The following HMCN2 variants were observed in gnomAD, a reference collection of about 807,000 sequenced individuals.
HMCN2 encodes the protein hemicentin 2.
Under a neutral mutation model 377.5 loss-of-function variants are expected in HMCN2, and 325 were observed. The observed-to-expected ratio is 0.86, with a 90% CI of 0.79 to 0.94. The LOEUF (loss-of-function observed/expected upper bound fraction) is 0.94, where lower values mean the gene tolerates loss of function less well. Ranked by LOEUF, HMCN2 falls within the 40% of genes least tolerant of loss-of-function variation. The pLI is 0.00. For missense variants in HMCN2, 4,543 were observed against 4,725.3 expected (o/e 0.96, Z 1.13); for synonymous variants, 2,007 against 2,046.8 (o/e 0.98, Z 0.53).
intron 25 of HMCN2, among the ~76,000 whole-genome samples, chr9:130,345,596 C>T (rs940062826): frequency 1.8e-5 from 2 of 113,094 alleles, no homozygotes; most frequent in Admixed American, 8.5e-5. Flanking sequence ...TATGGTGTTT[C>T]GTGTGTGTAG....
At position 130,417,905 on chromosome 9, in the gene HMCN2, G is replaced by C. The variant is rs572045255; in HGVS notation, c.12962-867G>C. Among the ~76,000 whole-genome samples, 29 of 152,302 alleles carry C rather than the reference G, an allele frequency of 1.9e-4. No homozygotes were observed. The South Asian group carries it at 6.0e-3, about 32-fold the overall frequency. ...GTGTGCGAGTTCTGCTTGTTCCGCA[G>C]CCTCACCAGCACTGGGCCTTTCCCA... On this transcript the variant is annotated intron_variant, in intron 85 of 97. Coordinates refer to ENST00000683500, the MANE Select transcript of HMCN2 (RefSeq NM_001291815.2).
chr9:130,355,708 C>T, intron 32 of HMCN2, 38 bp from the exon 33 acceptor site: 2 of 1,226,176 alleles, frequency 1.6e-6, no homozygotes, highest in South Asian at 1.3e-5. Context: ...CCAGTGGCTG[C>T]TCAGCTCCAA....
At chr9:130,352,416 A>G (rs1372664209) in intron 30 of HMCN2, among the ~76,000 whole-genome samples, 1 of 152,254 alleles carries the variant, frequency 6.6e-6, no homozygotes, top group East Asian at 1.9e-4. Flanking sequence ...AGGGACATGC[A>G]TAGTAGCACC....
At position 130,425,671 on chromosome 9, in the gene HMCN2, C is replaced by T. The variant is rs1251609387; in HGVS notation, c.13642-16C>T. On this transcript the variant is annotated splice_polypyrimidine_tract_variant and intron_variant, in intron 89 of 97. Transcript: ENST00000683500. ...CCCCCACCCCTCCTCCTCCTCCCCTCCTCTTCATCCTGCAGGACTTTGAGG... is the reference window on the plus strand; with the variant it reads ...CCCCCACCCCTCCTCCTCCTCCCCTTCTCTTCATCCTGCAGGACTTTGAGG... The T allele has an allele frequency of 1.5e-5, 21 of 1,356,994 alleles. No homozygotes were observed. The highest frequency in any genetic ancestry group is 2.1e-5 in the Non-Finnish European group (21 of 981,396). 84.1% of individuals were successfully genotyped at this position (1,356,994 alleles called of 1,614,324 possible).
At chr9:130,374,384 G>T in intron 48 of HMCN2, 118 bp from the exon 49 acceptor site, 1 of 360,036 alleles carries the variant, frequency 2.8e-6, no homozygotes, top group Non-Finnish European at 3.9e-6. Context: ...GTGCTTCATG[G>T]GCCTCTGGGC....
chr9:130,343,641 A>G (rs879213726), intron 25 of HMCN2, among the ~76,000 whole-genome samples: 17,721 of 152,036 alleles, frequency 0.12, 1,753 homozygotes, highest in African/African-American at 0.26. Context: ...GAGACAGTGG[A>G]AGGTGGGACC....
intron 8 of HMCN2, 94 bp downstream of exon 8, chr9:130,299,382 G>C: frequency 2.7e-6 from 1 of 364,706 alleles, no homozygotes; most frequent in South Asian, 2.1e-5. Flanking sequence ...GATTAAATTA[G>C]ATTAGAAAGT....
Position 130,352,914 on chromosome 9 carries a change from C to G in HMCN2, c.4586-13C>G. ...CGGCTGCCTGTGACCAGCCCCACCT[C>G]TTTCCTTCTCAGCGCCCCCCACTAT... is the stretch of plus-strand genomic sequence containing the variant. On this transcript the variant is annotated splice_polypyrimidine_tract_variant and intron_variant, in intron 30 of 97. Coordinates refer to ENST00000683500, the MANE Select transcript of HMCN2 (RefSeq NM_001291815.2). 7.9e-7 allele frequency: 1 copy of G among 1,258,410 alleles called. No homozygotes were observed. Among genetic ancestry groups the G allele is most frequent in the South Asian group, 1.4e-5 (1 of 73,050 alleles). The allele number at this position is 1,258,410 out of a possible 1,614,324, so 78.0% of individuals were successfully genotyped here.
At chr9:130,348,712 G>GC in intron 27 of HMCN2, 37 bp downstream of exon 27, 1 of 680,122 alleles carries the variant, frequency 1.5e-6, no homozygotes, top group Non-Finnish European at 2.4e-6. Flanking sequence ...GTATGGGTGG[G>GC]ATTTAGGCTG....
rs138625515 is a variant in HMCN2, at chr9:130,369,188, C to A, written c.6788-382C>A. Among the ~76,000 whole-genome samples, 33 of 152,326 alleles carry A rather than the reference C, an allele frequency of 2.2e-4. No individual in the cohort carries two copies. The highest frequency in any genetic ancestry group is 7.9e-4 in the African/African-American group (33 of 41,574). The stretch of plus-strand genomic sequence containing the variant: ...TGAAATCCCCCAGCCTGGTAAAAAT[C>A]CTGCTAGAAAATAAAACCAGGAACA... On this transcript the variant is annotated intron_variant, in intron 44 of 97. Coordinates refer to ENST00000683500, the MANE Select transcript of HMCN2 (RefSeq NM_001291815.2). This position sits in a 1 kb window ranked among gnomAD's most constrained non-coding sequence, Gnocchi z 4.5.
At position 130,430,513 on chromosome 9, in the gene HMCN2, G is replaced by C; in HGVS notation, c.14556G>C (p.Trp4852Cys). The C allele has an allele frequency of 6.4e-6, 10 of 1,550,584 alleles. No homozygotes were observed. The highest frequency in any genetic ancestry group is 7.8e-6 in the Non-Finnish European group (9 of 1,146,964). Residue 4852 changes from tryptophan to cysteine, a missense_variant, in exon 95 of 98, where the codon TGG becomes TGC. Transcript: ENST00000683500. ...TCCCCGGTACCTCCTACCACGCCTG[G>C]GTCTCTCTCCGTCCGGGTCCCATGG... ...ASIPGTSYHA[W>C]VSLRPGPMAL...
At position 130,405,996 on chromosome 9, in the gene HMCN2, C is replaced by T. The variant is rs1000796594; in HGVS notation, c.12381C>T (p.Ala4127=). ...AGTYTCTAEN[A]VGRARRRVHL... is the part of the protein sequence containing the mutation. ...CCTATACCTGTACCGCTGAGAACGC[C>T]GTGGGCCGGGCCCGCCGCCGCGTGC... Residue 4127 remains alanine, a synonymous_variant, in exon 82 of 98, where the codon GCC becomes GCT. Coordinates refer to ENST00000683500, the MANE Select transcript of HMCN2 (RefSeq NM_001291815.2). 27 of 1,289,618 alleles carry T rather than the reference C, an allele frequency of 2.1e-5. No homozygotes were observed. Among genetic ancestry groups the T allele is most frequent in the African/African-American group, 9.1e-5 (6 of 65,990 alleles). 79.9% of individuals were successfully genotyped at this position (1,289,618 alleles called of 1,614,324 possible). A position where few individuals can be genotyped will look rare whatever the true frequency, so the allele number is the denominator to read the frequency against.
At chr9:130,313,299 T>C (rs1837361588) in intron 15 of HMCN2, among the ~76,000 whole-genome samples, 1 of 151,712 alleles carries the variant, frequency 6.6e-6, no homozygotes, top group African/African-American at 2.4e-5. Context: ...TTCCTGGTAG[T>C]GTCTGGGGCA....
At chr9:130,298,301 G>T (rs1440940053) in intron 7 of HMCN2, among the ~76,000 whole-genome samples, 2 of 152,096 alleles carry the variant, frequency 1.3e-5, no homozygotes, top group Non-Finnish European at 2.9e-5. Context: ...AAGGTAGGAG[G>T]ATTGCTTGAG....
chr9:130,347,968 C>A lies in HMCN2; in HGVS notation c.4025-577C>A. On this transcript the variant is annotated intron_variant, in intron 26 of 97. Coordinates refer to ENST00000683500, the MANE Select transcript of HMCN2 (RefSeq NM_001291815.2). The surrounding 1 kb of genome is among the most constrained non-coding windows in gnomAD (Gnocchi z 5.1). Reference sequence around the variant, plus strand: ...TCTCTTCTCACATTCTTGTCCTCAGCAGGGAGAGCGCCCACCCCCACATCC... The same window carrying A: ...TCTCTTCTCACATTCTTGTCCTCAGAAGGGAGAGCGCCCACCCCCACATCC... 1 of 984,986 alleles carries A rather than the reference C, an allele frequency of 1.0e-6. No homozygotes were observed. Among genetic ancestry groups the A allele is most frequent in the Non-Finnish European group, 1.2e-6 (1 of 829,534 alleles). The allele number at this position is 984,986 out of a possible 1,614,324, so 61.0% of individuals were successfully genotyped here. A position where few individuals can be genotyped will look rare whatever the true frequency, so the allele number is the denominator to read the frequency against.
chr9:130,385,606 C>G lies in HMCN2; in HGVS notation c.9153C>G (p.Val3051=). ...RQAPRGPQDA[V]LVRVGDKAVL... is the part of the protein sequence containing the mutation. Reference sequence around the variant, plus strand: ...CTCCCAGAGGTCCCCAGGATGCGGTCCTGGTGAGGGTCGGGGACAAAGCTG... The same window carrying G: ...CTCCCAGAGGTCCCCAGGATGCGGTGCTGGTGAGGGTCGGGGACAAAGCTG... The change falls in exon 60 of 98, where the codon GTC becomes GTG. Residue 3051 remains valine (V), a synonymous_variant. Coordinates refer to ENST00000683500, the MANE Select transcript of HMCN2 (RefSeq NM_001291815.2). 2 of 1,304,202 alleles carry G rather than the reference C, an allele frequency of 1.5e-6. No individual in the cohort carries two copies. The highest frequency in any genetic ancestry group is 2.0e-6 in the Non-Finnish European group (2 of 988,908). 80.8% of individuals were successfully genotyped at this position (1,304,202 alleles called of 1,614,324 possible).
rs567851243 is a variant in HMCN2, at chr9:130,428,057, C to T, written c.14066-301C>T. Among the ~76,000 whole-genome samples, 75 of 152,338 alleles carry T rather than the reference C, an allele frequency of 4.9e-4. 1 individual carries two copies. The South Asian group carries it at 0.011, about 22-fold the overall frequency. On this transcript the variant is annotated intron_variant, in intron 92 of 97. Transcript: ENST00000683500. This position sits in a 1 kb window ranked among gnomAD's most constrained non-coding sequence, Gnocchi z 5.0. The stretch of plus-strand genomic sequence containing the variant: ...CCAGTCTGCATCCCTGCACTCCCAC[C>T]GGGAGGGCCTGGTGCTGCCAAGTCT...
At chr9:130,412,420 CT>C (rs894857147) in intron 85 of HMCN2, among the ~76,000 whole-genome samples, 1 of 152,076 alleles carries the variant, frequency 6.6e-6, no homozygotes, top group Admixed American at 6.6e-5. Flanking sequence ...TTAATGGTGA[CT>C]TTGAAGAGCA....
intron 4 of HMCN2, among the ~76,000 whole-genome samples, chr9:130,287,422 A>G (rs557356056): frequency 4.0e-5 from 6 of 151,786 alleles, no homozygotes; most frequent in Non-Finnish European, 5.9e-5. Flanking sequence ...GCACCTCCTC[A>G]TGGAGACCCT....
Sources: gnomAD v4.1 joint callset for allele counts (sites outside exome capture counted in the v4.1 genomes callset) on GRCh38, gnomAD v4.1.1 for gene constraint, Gnocchi (gnomAD v3.1) non-coding constraint, MANE v1.5 for transcripts, NCBI Gene and HGNC (gene_info 2026-07-23, HGNC 2026-07-21) for gene names.